Variants in AQR observed in about 807,000 individuals in gnomAD.
AQR encodes the protein RNA helicase aquarius.
A neutral mutation model predicts 180.5 loss-of-function variants in AQR; 61 were observed. The ratio of observed to expected loss-of-function variants is 0.34; its 90% CI spans 0.28 to 0.42. The LOEUF is 0.42. AQR is among the 10% of genes least tolerant of loss of function. AQR has a pLI of 1.00. For missense variants in AQR, 1,281 were observed against 1,798.3 expected (o/e 0.71, Z 5.20); for synonymous variants, 551 against 588.8 (o/e 0.94, Z 0.93).
At chr15:34,933,675 T>C (rs1022445942) in intron 10 of AQR, among the ~76,000 whole-genome samples, 4 of 152,180 alleles carry the variant, frequency 2.6e-5, no homozygotes. Flanking sequence ...AACTATACTA[T>C]GTAATGTTTT....
At chr15:34,926,973 A>G in intron 13 of AQR, 62 bp downstream of exon 13, 1 of 1,041,212 alleles carries the variant, frequency 9.6e-7, no homozygotes, top group Non-Finnish European at 1.4e-6. Context: ...AGCAATAAAG[A>G]AAAGTAAAAT....
chr15:34,919,238 CAAA>C (rs35127817), intron 14 of AQR, among the ~76,000 whole-genome samples: 20 of 111,226 alleles, frequency 1.8e-4, no homozygotes, highest in Non-Finnish European at 2.5e-4. Flanking sequence ...GACTCCATCT[CAAA>C]AAAAAAAAAA....
intron 27 of AQR, 100 bp downstream of exon 27, chr15:34,882,401 AG>A: frequency 8.0e-7 from 1 of 1,242,412 alleles, no homozygotes; most frequent in Non-Finnish European, 1.1e-6. Flanking sequence ...CACTTATAAA[AG>A]AAACATTTTA....
chr15:34,876,080 A>G, intron 27 of AQR, 74 bp from the exon 28 acceptor site: 1 of 1,063,288 alleles, frequency 9.4e-7, no homozygotes, highest in Non-Finnish European at 1.4e-6. Flanking sequence ...TAATCATCAA[A>G]AAAACCCCAA....
chr15:34,860,398 G>GT (rs1356761175), intron 33 of AQR, among the ~76,000 whole-genome samples: 2 of 150,928 alleles, frequency 1.3e-5, no homozygotes, highest in Non-Finnish European at 2.9e-5. Context: ...TGCTGGCCAC[G>GT]TGACTCCCAT....
At chr15:34,880,759 T>C (rs1458955222) in intron 27 of AQR, among the ~76,000 whole-genome samples, 1 of 152,088 alleles carries the variant, frequency 6.6e-6, no homozygotes, top group Admixed American at 6.6e-5. Context: ...TATTTGTCCT[T>C]TGGGTGAGCA....
intron 5 of AQR, among the ~76,000 whole-genome samples, chr15:34,946,750 GA>G (rs1894130541): frequency 6.9e-6 from 1 of 145,582 alleles, no homozygotes; most frequent in Admixed American, 6.7e-5. Context: ...GTCCGGGAGG[GA>G]GGGAGGTGGG....
chr15:34,911,905 G>GAGTTTCGT (rs1555424758), intron 16 of AQR, among the ~76,000 whole-genome samples: 42 of 151,180 alleles, frequency 2.8e-4, no homozygotes, highest in Admixed American at 7.9e-4. Flanking sequence ...TTTCTTCTCG[G>GAGTTTCGT]AGTTTCATGG....
intron 6 of AQR, among the ~76,000 whole-genome samples, chr15:34,942,526 G>A (rs1894039981): frequency 6.6e-6 from 1 of 152,136 alleles, no homozygotes; most frequent in African/African-American, 2.4e-5. Flanking sequence ...TGTTTAAAAT[G>A]GCAACAAGCC....
At chr15:34,958,375 G>A (rs1212078003) in intron 3 of AQR, among the ~76,000 whole-genome samples, 1 of 152,044 alleles carries the variant, frequency 6.6e-6, no homozygotes, top group African/African-American at 2.4e-5. Context: ...AATTAGCTGG[G>A]CATGGTGGTT....
intron 6 of AQR, chr15:34,943,271 G>A (rs1337477937): frequency 6.3e-7 from 1 of 1,595,736 alleles, no homozygotes; most frequent in Non-Finnish European, 8.6e-7. Flanking sequence ...AAACTACAAA[G>A]ATTGTGCTAA....
chr15:34,951,620 G>A (rs904964594), intron 4 of AQR, among the ~76,000 whole-genome samples: 4 of 149,336 alleles, frequency 2.7e-5, no homozygotes, highest in South Asian at 2.1e-4. Flanking sequence ...GCAGTGAGCC[G>A]AGATCGTGCC....
chr15:34,895,392 C>T (rs1362098384), intron 22 of AQR, among the ~76,000 whole-genome samples: 3 of 150,736 alleles, frequency 2.0e-5, no homozygotes, highest in East Asian at 2.0e-4. Flanking sequence ...AGTCTAAACA[C>T]GCAAGTTGAA....
At position 34,947,513 on chromosome 15, in the gene AQR, AAAT is replaced by A. The variant is rs573279543; in HGVS notation, c.330+748_330+750del. 8.3e-4 allele frequency among the ~76,000 whole-genome samples: 121 copies of A among 145,210 alleles called. 1 individual carries two copies. Among genetic ancestry groups the A allele is most frequent in the African/African-American group, 2.7e-3 (107 of 40,108 alleles). On this transcript the variant is annotated intron_variant, in intron 5 of 34. Coordinates refer to ENST00000156471, the MANE Select transcript of AQR (RefSeq NM_014691.3). The stretch of plus-strand genomic sequence containing the variant: ...AACACCCAAGAATGATCAATAAAAA[AAAT>A]AATAATAATAATAATAATAATAAAA...
chr15:34,888,131 C>T (rs1193809699), intron 24 of AQR, among the ~76,000 whole-genome samples: 5 of 151,804 alleles, frequency 3.3e-5, no homozygotes, highest in African/African-American at 4.8e-5. Context: ...AACCCCGTCT[C>T]TACTAAAAAT....
chr15:34,878,466 CAT>C (rs570498054), intron 27 of AQR, among the ~76,000 whole-genome samples: 175 of 135,340 alleles, frequency 1.3e-3, no homozygotes, highest in Admixed American at 1.8e-3. Context: ...TCATTGTAAA[CAT>C]AGAATTTTGT....
intron 23 of AQR, among the ~76,000 whole-genome samples, chr15:34,891,645 A>G (rs1893151070): frequency 6.6e-6 from 1 of 152,212 alleles, no homozygotes; most frequent in Admixed American, 6.5e-5. Flanking sequence ...TCAAGGTATG[A>G]CAAAACAGTA....
chr15:34,968,415 G>A (rs1023214836), intron 1 of AQR, among the ~76,000 whole-genome samples: 56 of 28,172 alleles, frequency 2.0e-3, no homozygotes, highest in Admixed American at 0.018. Context: ...ACCATGCCCG[G>A]CTAATTTTTT....
chr15:34,917,202 A>G (rs1429243899), intron 15 of AQR, among the ~76,000 whole-genome samples: 1 of 152,236 alleles, frequency 6.6e-6, no homozygotes, highest in African/African-American at 2.4e-5. Flanking sequence ...AATCTAGCAC[A>G]ATATTAGTGC....
Sources: allele counts gnomAD v4.1 joint callset (sites outside exome capture counted in the v4.1 genomes callset), GRCh38; gene constraint gnomAD v4.1.1; transcripts MANE v1.5; gene names NCBI Gene and HGNC (gene_info 2026-07-23, HGNC 2026-07-21).